CAPZA2: variants seen among roughly 807,000 people sequenced by gnomAD.
CAPZA2 encodes capping actin protein of muscle Z-line subunit alpha 2.
In CAPZA2, 13 loss-of-function variants were observed where a neutral mutation model predicts 44.0. The observed-to-expected ratio is 0.30, with a 90% CI of 0.19 to 0.47. CAPZA2 has a LOEUF of 0.47. CAPZA2 is among the 20% of genes least tolerant of loss of function. CAPZA2 has a pLI of 1.00. For synonymous variants in CAPZA2, 94 were observed against 108.2 expected, an observed-to-expected ratio of 0.87 and a Z score of 0.81; for missense variants, 244 against 338.6, an observed-to-expected ratio of 0.72 and a Z score of 2.19.
chr7:116,867,369 C>T (rs115961532), intron 1 of CAPZA2, among the ~76,000 whole-genome samples: 205 of 152,256 alleles, frequency 1.3e-3, no homozygotes, highest in African/African-American at 3.9e-3. Flanking sequence ...GTATCTAAGC[C>T]ATGCTTTACT....
chr7:116,885,340 T>G (rs1306536906), intron 1 of CAPZA2, among the ~76,000 whole-genome samples: 1 of 152,034 alleles, frequency 6.6e-6, no homozygotes, highest in Non-Finnish European at 1.5e-5. Flanking sequence ...TTTTTTTTTG[T>G]ATTCTCCCAC....
At chr7:116,910,783 A>G (rs556591061) in intron 7 of CAPZA2, among the ~76,000 whole-genome samples, 1 of 152,234 alleles carries the variant, frequency 6.6e-6, no homozygotes, top group African/African-American at 2.4e-5. Context: ...AGGTGGGTGG[A>G]TCACAAGGTC....
intron 5 of CAPZA2, among the ~76,000 whole-genome samples, chr7:116,905,502 G>C (rs1028796431): frequency 1.4e-4 from 22 of 152,176 alleles, no homozygotes; most frequent in Admixed American, 1.3e-3. Flanking sequence ...CACCAGTAGC[G>C]TACCCCATTT....
At chr7:116,889,232 A>G (rs1796800698) in intron 2 of CAPZA2, among the ~76,000 whole-genome samples, 1 of 152,226 alleles carries the variant, frequency 6.6e-6, no homozygotes, top group Non-Finnish European at 1.5e-5. Flanking sequence ...AAACTTCTTA[A>G]GTAGTTAGAA....
chr7:116,910,355 C>T, intron 7 of CAPZA2, 44 bp downstream of exon 7: 1 of 915,240 alleles, frequency 1.1e-6, no homozygotes, highest in Non-Finnish European at 1.8e-6. Flanking sequence ...TGATTCTGAA[C>T]AGAGAAACAA....
chr7:116,882,918 G>A (rs180846656), intron 1 of CAPZA2, among the ~76,000 whole-genome samples: 80 of 152,294 alleles, frequency 5.3e-4, no homozygotes, highest in African/African-American at 1.8e-3. Flanking sequence ...TGGAGGGATA[G>A]AGTTAATCTC....
chr7:116,907,105 C>T (rs530778022), intron 6 of CAPZA2, among the ~76,000 whole-genome samples: 2 of 152,200 alleles, frequency 1.3e-5, no homozygotes, highest in African/African-American at 4.8e-5. Context: ...ACTTACTAGC[C>T]AAGTTGGTTG....
intron 6 of CAPZA2, among the ~76,000 whole-genome samples, chr7:116,907,687 C>T (rs1037069998): frequency 6.6e-6 from 1 of 152,106 alleles, no homozygotes; most frequent in Non-Finnish European, 1.5e-5. Context: ...TGCTGTGTTG[C>T]CCAGGCCGGT....
chr7:116,915,265 T>G (rs959441220), intron 8 of CAPZA2, among the ~76,000 whole-genome samples: 13 of 151,604 alleles, frequency 8.6e-5, no homozygotes, highest in Non-Finnish European at 1.9e-4. Flanking sequence ...ATCACACTGC[T>G]GCACTCCAGC....
chr7:116,913,401 A>G (rs1272386340), intron 8 of CAPZA2, among the ~76,000 whole-genome samples: 1 of 152,096 alleles, frequency 6.6e-6, no homozygotes, highest in African/African-American at 2.4e-5. Context: ...TAGCTCTTAC[A>G]TTTAGGTCTA....
intron 4 of CAPZA2, among the ~76,000 whole-genome samples, chr7:116,899,726 A>G (rs1477062584): frequency 1.3e-5 from 2 of 149,568 alleles, no homozygotes; most frequent in African/African-American, 4.9e-5. Flanking sequence ...TGTACCTCTT[A>G]TATTAACAAT....
intron 1 of CAPZA2, among the ~76,000 whole-genome samples, chr7:116,870,015 C>T (rs1796531789): frequency 6.6e-6 from 1 of 152,044 alleles, no homozygotes; most frequent in Non-Finnish European, 1.5e-5. Context: ...AAGGAGCTCA[C>T]GTCACTTCTG....
chr7:116,895,742 T>C (rs1459794442), intron 3 of CAPZA2, among the ~76,000 whole-genome samples: 1 of 152,118 alleles, frequency 6.6e-6, no homozygotes, highest in Admixed American at 6.5e-5. Flanking sequence ...TTTGAGTTCA[T>C]GTTGTAGACA....
intron 6 of CAPZA2, among the ~76,000 whole-genome samples, chr7:116,909,474 C>T (rs1389367543): frequency 1.3e-5 from 2 of 151,952 alleles, no homozygotes; most frequent in African/African-American, 4.8e-5. Context: ...TTTGTAATTT[C>T]TCAGTTTCAA....
chr7:116,898,481 T>C (rs2115945258), intron 3 of CAPZA2, among the ~76,000 whole-genome samples: 1 of 152,252 alleles, frequency 6.6e-6, no homozygotes, highest in South Asian at 2.1e-4. Flanking sequence ...ATGCATCTCT[T>C]ATCAGTAACT....
chr7:116,867,759 T>C (rs1401647996), intron 1 of CAPZA2, among the ~76,000 whole-genome samples: 2 of 152,018 alleles, frequency 1.3e-5, no homozygotes, highest in South Asian at 2.1e-4. Flanking sequence ...AATTTTTGTG[T>C]TTTTAGTGGA....
chr7:116,907,136 G>A (rs1791524438), intron 6 of CAPZA2, among the ~76,000 whole-genome samples: 1 of 145,730 alleles, frequency 6.9e-6, no homozygotes, highest in Non-Finnish European at 1.5e-5. Flanking sequence ...TAAGGGTAAA[G>A]TAACAGGTAA....
At position 116,918,304 on chromosome 7, in the gene CAPZA2, G is replaced by T. The variant is rs1791708023; in HGVS notation, c.*437G>T. On this transcript the variant is annotated 3_prime_UTR_variant, in exon 10 of 10. Coordinates refer to ENST00000361183, the MANE Select transcript of CAPZA2 (RefSeq NM_006136.3). Reference sequence around the variant, plus strand: ...GTGGTTGATGGATTTAGCCATATATGCTGCTAAAGAAATTGTCTACCTTTT... The same window carrying T: ...GTGGTTGATGGATTTAGCCATATATTCTGCTAAAGAAATTGTCTACCTTTT... 1 of 155,972 alleles carries T rather than the reference G, an allele frequency of 6.4e-6. No individual in the cohort carries two copies. The highest frequency in any genetic ancestry group is 1.4e-5 in the Non-Finnish European group (1 of 69,888). 9.7% of individuals were successfully genotyped at this position (155,972 alleles called of 1,614,324 possible).
At chr7:116,899,319 A>T (rs1038789492) in intron 4 of CAPZA2, among the ~76,000 whole-genome samples, 7 of 151,964 alleles carry the variant, frequency 4.6e-5, no homozygotes, top group African/African-American at 1.7e-4. Flanking sequence ...AGTTTCTAAT[A>T]AATAGTGATT....
Sources: gnomAD v4.1 joint callset for allele counts (sites outside exome capture counted in the v4.1 genomes callset) on GRCh38, gnomAD v4.1.1 for gene constraint, MANE v1.5 for transcripts, NCBI Gene and HGNC (gene_info 2026-07-23, HGNC 2026-07-21) for gene names.